Variants in BOC observed in about 807,000 individuals in gnomAD.
BOC encodes brother of CDO.
Under a neutral mutation model 112.0 loss-of-function variants are expected in BOC, and 76 were observed. The ratio of observed to expected loss-of-function variants is 0.68; its 90% CI spans 0.56 to 0.82. The LOEUF is 0.82. Ranked by LOEUF, BOC falls within the 40% of genes least tolerant of loss-of-function variation. BOC has a pLI of 0.00. For missense variants in BOC, 1,309 were observed against 1,511.7 expected, an observed-to-expected ratio of 0.87 and a Z score of 2.22; for synonymous variants, 580 against 599.8, an observed-to-expected ratio of 0.97 and a Z score of 0.48.
chr3:113,260,667 T>TAGAACAGAACAGAACAGAAC (rs11455670), intron 4 of BOC, among the ~76,000 whole-genome samples: 11 of 126,310 alleles, frequency 8.7e-5, no homozygotes, highest in East Asian at 2.5e-4. Flanking sequence ...TAGAATAGAA[T>TAGAACAGAACAGAACAGAAC]AGAACAGAAC....
intron 5 of BOC, chr3:113,270,084 G>C (rs1472080766): frequency 6.6e-6 from 1 of 152,338 alleles, no homozygotes; most frequent in Non-Finnish European, 1.5e-5. Flanking sequence ...ACAGGCCCCT[G>C]ATGTGGAAGA....
chr3:113,268,468 G>T, intron 5 of BOC, 23 bp downstream of exon 5: 5 of 1,610,926 alleles, frequency 3.1e-6, no homozygotes, highest in Non-Finnish European at 4.2e-6. Flanking sequence ...GAGCCCAGAG[G>T]CCAAGGCTGA....
chr3:113,273,383 A>G (rs1948349838), intron 8 of BOC, 42 bp downstream of exon 8: 1 of 1,536,124 alleles, frequency 6.5e-7, no homozygotes, highest in Non-Finnish European at 8.8e-7. Flanking sequence ...CTGATGATTC[A>G]CTGAATCCTT....
At chr3:113,214,575 C>T (rs1388567494) in intron 1 of BOC, among the ~76,000 whole-genome samples, 1 of 152,152 alleles carries the variant, frequency 6.6e-6, no homozygotes, top group African/African-American at 2.4e-5. Flanking sequence ...ACCTTGTGGC[C>T]TCTGAATAAG....
At chr3:113,280,506 G>A (rs1949092116) in intron 13 of BOC, 52 bp from the exon 14 acceptor site, 1 of 1,329,686 alleles carries the variant, frequency 7.5e-7, no homozygotes, top group Non-Finnish European at 1.1e-6. Context: ...GTTTTGCTTT[G>A]ATGATGTTTT....
chr3:113,273,434 T>G, intron 8 of BOC, 93 bp downstream of exon 8: 4 of 1,343,098 alleles, frequency 3.0e-6, no homozygotes, highest in Middle Eastern at 4.1e-4. Flanking sequence ...GTATATAAGA[T>G]AGAAAAAAGT....
At chr3:113,213,090 G>T (rs950785097) in intron 1 of BOC, among the ~76,000 whole-genome samples, 2 of 152,186 alleles carry the variant, frequency 1.3e-5, no homozygotes, top group Non-Finnish European at 2.9e-5. Context: ...CTCCTCCAGA[G>T]ATGTGGCAGT....
chr3:113,242,146 C>T (rs918247698), intron 2 of BOC, among the ~76,000 whole-genome samples: 2 of 151,272 alleles, frequency 1.3e-5, no homozygotes, highest in African/African-American at 2.4e-5. Context: ...GAAAAGAGAA[C>T]GGCCTTCTAG....
chr3:113,267,721 C>G (rs574578843), intron 4 of BOC, among the ~76,000 whole-genome samples: 9 of 152,296 alleles, frequency 5.9e-5, no homozygotes, highest in Middle Eastern at 3.4e-3. Flanking sequence ...TAAGGAGAAC[C>G]TGGGAAGGCT....
In BOC at chr3:113,284,541, C is replaced by G; in HGVS notation, c.2863C>G (p.Gln955Glu). 3.7e-6 allele frequency: 6 copies of G among 1,613,522 alleles called. No individual in the cohort carries two copies. Among genetic ancestry groups the G allele is most frequent in the Non-Finnish European group, 3.4e-6 (4 of 1,179,682 alleles). Residue 955 changes from glutamine to glutamate, a missense_variant, in exon 17 of 20, where the codon CAG becomes GAG. Coordinates refer to ENST00000682979, the MANE Select transcript of BOC (RefSeq NM_001378074.1). Reference sequence around the variant, plus strand: ...GGGCTACCCGGGCATGAAGCCCCAGCAGCACTGCCCAGGCGAGCTTCAGCA... The same window carrying G: ...GGGCTACCCGGGCATGAAGCCCCAGGAGCACTGCCCAGGCGAGCTTCAGCA... Reference protein sequence around the residue: ...AVGYPGMKPQQHCPGELQQQS... With the variant: ...AVGYPGMKPQEHCPGELQQQS...
chr3:113,260,667 T>TAGAATAGAACAGAAC (rs1466077581), intron 4 of BOC, among the ~76,000 whole-genome samples: 14 of 126,306 alleles, frequency 1.1e-4, no homozygotes, highest in African/African-American at 4.2e-4. Flanking sequence ...TAGAATAGAA[T>TAGAATAGAACAGAAC]AGAACAGAAC....
intron 2 of BOC, among the ~76,000 whole-genome samples, chr3:113,229,282 C>A (rs550924110): frequency 6.6e-6 from 1 of 152,222 alleles, no homozygotes. Context: ...GGATGGCCAA[C>A]GGCTGTTCTA....
intron 4 of BOC, among the ~76,000 whole-genome samples, chr3:113,255,158 TTGTC>T (rs1187574616): frequency 6.6e-6 from 1 of 152,206 alleles, no homozygotes; most frequent in Non-Finnish European, 1.5e-5. Context: ...TCAGATCATC[TTGTC>T]TAATTCTTGG....
intron 4 of BOC, among the ~76,000 whole-genome samples, chr3:113,262,302 G>C (rs982202557): frequency 6.6e-6 from 1 of 152,240 alleles, no homozygotes; most frequent in Admixed American, 6.5e-5. Flanking sequence ...CTACGCTGGA[G>C]AACACCACGC....
In BOC at chr3:113,250,603, C is replaced by T; in HGVS notation, c.146C>T (p.Pro49Leu). The T allele has an allele frequency of 1.2e-6, 2 of 1,614,128 alleles. No individual in the cohort carries two copies. The highest frequency in any genetic ancestry group is 1.3e-5 in the African/African-American group (1 of 75,020). ...CAGCCTGCGTCCACCGTCCAGAAGC[C>T]CGGAGGCACTGTGATCTTGGGCTGC... ...TVQPASTVQK[P>L]GGTVILGCVV... The change falls in exon 4 of 20, where the codon CCC becomes CTC. Residue 49 changes from proline to leucine, a missense_variant. Physicochemically the swap from Pro to Leu is moderately conservative, Grantham distance 98. Transcript: ENST00000682979.
chr3:113,280,432 C>A, intron 13 of BOC, 126 bp from the exon 14 acceptor site: 1 of 691,980 alleles, frequency 1.4e-6, no homozygotes, highest in Non-Finnish European at 2.6e-6. Flanking sequence ...CATTAGAAAT[C>A]TTTGCCAGGG....
chr3:113,230,106 C>A (rs1942359466), intron 2 of BOC, among the ~76,000 whole-genome samples: 1 of 152,130 alleles, frequency 6.6e-6, no homozygotes, highest in Non-Finnish European at 1.5e-5. Flanking sequence ...AATGAGAGAA[C>A]CTAGGTTAAG....
chr3:113,227,449 G>T (rs1941851918), intron 2 of BOC, among the ~76,000 whole-genome samples: 2 of 152,194 alleles, frequency 1.3e-5, no homozygotes, highest in South Asian at 4.1e-4. Flanking sequence ...GAGCCAGATG[G>T]CTCCCAGTAT....
intron 2 of BOC, among the ~76,000 whole-genome samples, chr3:113,241,032 C>T (rs115542702): frequency 0.019 from 2,922 of 152,302 alleles, 51 homozygotes; most frequent in Non-Finnish European, 0.025. Context: ...CAGGCTGGTG[C>T]GTCCTCTGCC....
Sources: allele counts gnomAD v4.1 joint callset (sites outside exome capture counted in the v4.1 genomes callset), GRCh38; gene constraint gnomAD v4.1.1; transcripts MANE v1.5; gene names NCBI Gene and HGNC (gene_info 2026-07-23, HGNC 2026-07-21).